LRCH1: variants seen among roughly 807,000 people sequenced by gnomAD.
The protein encoded by LRCH1 is leucine-rich repeat and calponin homology domain-containing protein 1.
A neutral mutation model predicts 94.9 loss-of-function variants in LRCH1; 23 were observed. That is an observed-to-expected ratio of 0.24 (90% CI 0.17 to 0.34). The LOEUF (loss-of-function observed/expected upper bound fraction) is 0.34, where lower values mean the gene tolerates loss of function less well. LRCH1 is among the 10% of genes least tolerant of loss of function. LRCH1 has a pLI of 1.00. For missense variants in LRCH1, 790 were observed against 945.9 expected (o/e 0.84, Z 2.16); for synonymous variants, 364 against 354.9 (o/e 1.03, Z -0.29).
At chr13:46,618,687 A>G (rs887314160) in intron 1 of LRCH1, among the ~76,000 whole-genome samples, 7 of 152,242 alleles carry the variant, frequency 4.6e-5, no homozygotes, top group African/African-American at 1.7e-4. Flanking sequence ...TTTAAGGCCT[A>G]AGTTAAAGAT....
intron 1 of LRCH1, among the ~76,000 whole-genome samples, chr13:46,631,656 G>A (rs977923280): frequency 6.6e-6 from 1 of 151,940 alleles, no homozygotes; most frequent in Admixed American, 6.6e-5. Context: ...TTGGTATAGG[G>A]AGTCATGTTT....
At chr13:46,578,173 G>A (rs1289987228) in intron 1 of LRCH1, among the ~76,000 whole-genome samples, 1 of 152,162 alleles carries the variant, frequency 6.6e-6, no homozygotes, top group Admixed American at 6.5e-5. Context: ...TCCTGGCTGC[G>A]GTTAGCTTTA....
At chr13:46,579,647 C>A (rs2050344113) in intron 1 of LRCH1, among the ~76,000 whole-genome samples, 1 of 152,166 alleles carries the variant, frequency 6.6e-6, no homozygotes, top group South Asian at 2.1e-4. Context: ...AGCGGATCAT[C>A]TTCAGTATCT....
chr13:46,651,617 C>T (rs2051300092), intron 2 of LRCH1, among the ~76,000 whole-genome samples: 2 of 150,198 alleles, frequency 1.3e-5, no homozygotes, highest in African/African-American at 4.9e-5. Context: ...GCCAAGATAG[C>T]GCCATTGCAC....
chr13:46,622,719 A>C (rs928879063), intron 1 of LRCH1, among the ~76,000 whole-genome samples: 1 of 152,226 alleles, frequency 6.6e-6, no homozygotes, highest in Non-Finnish European at 1.5e-5. Context: ...TAGTTTGTGT[A>C]TTGAAAATAA....
chr13:46,724,722 C>T (rs7331563), intron 17 of LRCH1, among the ~76,000 whole-genome samples: 31,426 of 151,992 alleles, frequency 0.21, 3,425 homozygotes, highest in East Asian at 0.44. Context: ...CTACTAAAGA[C>T]AGCACGTTAT....
At chr13:46,670,654 T>TC (rs10659453) in intron 3 of LRCH1, among the ~76,000 whole-genome samples, 4,773 of 144,682 alleles carry the variant, frequency 0.033, 277 homozygotes, top group African/African-American at 0.11. Context: ...ACACTGCCCA[T>TC]CCCCCCCCAA....
At chr13:46,672,647 T>C (rs1023957305) in intron 3 of LRCH1, among the ~76,000 whole-genome samples, 4 of 152,172 alleles carry the variant, frequency 2.6e-5, no homozygotes, top group African/African-American at 9.7e-5. Flanking sequence ...GGCTGTCGGG[T>C]GGCTCTAAGG....
Position 46,742,711 on chromosome 13 carries a change from G to A in LRCH1, c.*863G>A. ...CACTGCTTTTTTGCCACATCACATAGTAACTGCCGGTCCAGAATGTGACGG... is the reference window on the plus strand; with the variant it reads ...CACTGCTTTTTTGCCACATCACATAATAACTGCCGGTCCAGAATGTGACGG... On this transcript the variant is annotated 3_prime_UTR_variant, in exon 20 of 20. Transcript: ENST00000389797. The A allele has an allele frequency of 1.0e-6, 1 of 985,380 alleles. No individual in the cohort carries two copies. Among genetic ancestry groups the A allele is most frequent in the African/African-American group, 1.7e-5 (1 of 57,330 alleles). The allele number at this position is 985,380 out of a possible 1,614,324, so 61.0% of individuals were successfully genotyped here.
At chr13:46,643,924 C>T (rs9534449) in intron 1 of LRCH1, among the ~76,000 whole-genome samples, 89,953 of 152,042 alleles carry the variant, frequency 0.59, 26,620 homozygotes, top group South Asian at 0.68. Context: ...TGATTTTCAT[C>T]ACTTTCTTAC....
chr13:46,640,880 A>C (rs2051149285), intron 1 of LRCH1, among the ~76,000 whole-genome samples: 1 of 152,254 alleles, frequency 6.6e-6, no homozygotes, highest in South Asian at 2.1e-4. Flanking sequence ...ATTGTTGATC[A>C]CATTTCTGTT....
intron 2 of LRCH1, among the ~76,000 whole-genome samples, chr13:46,665,880 C>T (rs2051508498): frequency 6.6e-6 from 1 of 152,176 alleles, no homozygotes; most frequent in Admixed American, 6.5e-5. Context: ...AAAGCTGAGG[C>T]TGCTGCTGTG....
chr13:46,726,465 A>C (rs1872819805), intron 17 of LRCH1, among the ~76,000 whole-genome samples: 1 of 152,306 alleles, frequency 6.6e-6, no homozygotes, highest in South Asian at 2.1e-4. Context: ...CTAACCAAAT[A>C]ACCAGGAAAG....
intron 1 of LRCH1, among the ~76,000 whole-genome samples, chr13:46,630,718 C>T (rs2051008009): frequency 6.6e-6 from 1 of 152,206 alleles, no homozygotes; most frequent in Non-Finnish European, 1.5e-5. Context: ...GGGAGAGGTA[C>T]ATTTTGGCTT....
chr13:46,650,369 A>G, intron 2 of LRCH1, 24 bp downstream of exon 2: 1 of 1,543,050 alleles, frequency 6.5e-7, no homozygotes, highest in South Asian at 1.3e-5. Flanking sequence ...AAAAGTTGTA[A>G]TCAAATTCAG....
At chr13:46,698,657 C>A (rs1871316170) in intron 9 of LRCH1, among the ~76,000 whole-genome samples, 1 of 152,140 alleles carries the variant, frequency 6.6e-6, no homozygotes, top group South Asian at 2.1e-4. Context: ...ACAGGTGACC[C>A]ACAAGCACAG....
chr13:46,625,489 A>G (rs773530081), intron 1 of LRCH1, among the ~76,000 whole-genome samples: 2 of 152,182 alleles, frequency 1.3e-5, no homozygotes, highest in Non-Finnish European at 2.9e-5. Context: ...TTCCTCTTCT[A>G]CCATATGAGG....
At chr13:46,704,668 A>G (rs1439919280) in intron 11 of LRCH1, among the ~76,000 whole-genome samples, 1 of 152,128 alleles carries the variant, frequency 6.6e-6, no homozygotes, top group East Asian at 1.9e-4. Context: ...AGTGAGAGAT[A>G]TAATGTATAT....
intron 16 of LRCH1, chr13:46,717,288 TA>T (rs1390937719): frequency 6.6e-6 from 1 of 152,164 alleles, no homozygotes; most frequent in Non-Finnish European, 1.5e-5. Flanking sequence ...CCACAGAAAA[TA>T]ATCATTGTGG....
Sources: allele counts gnomAD v4.1 joint callset (sites outside exome capture counted in the v4.1 genomes callset), GRCh38; gene constraint gnomAD v4.1.1; transcripts MANE v1.5; gene names NCBI Gene and HGNC (gene_info 2026-07-23, HGNC 2026-07-21).